The following PCDHA1 variants were observed in gnomAD, a reference collection of about 807,000 sequenced individuals.
The protein encoded by PCDHA1 is protocadherin alpha 1, also known as protocadherin alpha-1.
A neutral mutation model predicts 61.3 loss-of-function variants in PCDHA1; 42 were observed. The ratio of observed to expected loss-of-function variants is 0.69; its 90% confidence interval spans 0.54 to 0.89. The LOEUF is 0.89. Among genes scored for constraint, PCDHA1 ranks in the 40% least tolerant of loss-of-function variants. PCDHA1 has a pLI of 0.00. For missense variants in PCDHA1, 1,256 were observed against 1,235.3 expected (o/e 1.02, Z -0.25); for synonymous variants, 610 against 553.8 (o/e 1.10, Z -1.43).
chr5:140,849,298 A>T lies in PCDHA1; in HGVS notation c.2394+60614A>T, dbSNP rs1182153594. 25 of 1,269,106 alleles carry T rather than the reference A, an allele frequency of 2.0e-5. No individual in the cohort carries two copies. The highest frequency in any genetic ancestry group is 2.6e-5 in the Non-Finnish European group (24 of 927,200). 78.6% of individuals were successfully genotyped at this position (1,269,106 alleles called of 1,614,324 possible). On this transcript the variant is annotated intron_variant, in intron 1 of 3. Transcript: ENST00000504120. ...CTGGTGATTCACCCCAATGCCTCAG[A>T]TTTAGACGAAGGCTTGAATGGGGAT... is the stretch of plus-strand genomic sequence containing the variant.
At chr5:140,795,265 G>A (rs782485600) in intron 1 of PCDHA1, 1 of 1,614,266 alleles carries the variant, frequency 6.2e-7, no homozygotes, top group East Asian at 2.2e-5. Context: ...GCGGAGCGCG[G>A]AATGTAGCAT....
chr5:140,842,051 C>G (rs2150328197), intron 1 of PCDHA1: 4 of 1,613,852 alleles, frequency 2.5e-6, no homozygotes, highest in Non-Finnish European at 3.4e-6. Flanking sequence ...CACTTTCGAA[C>G]AGTCTGAATA....
chr5:140,861,632 A>G (rs1314096154), intron 1 of PCDHA1: 8 of 308,696 alleles, frequency 2.6e-5, no homozygotes, highest in Non-Finnish European at 3.9e-5. Context: ...TGTTCTCAGC[A>G]ACACAAAAGA....
chr5:140,967,907 A>C (rs1311525554), intron 1 of PCDHA1: 1 of 1,614,180 alleles, frequency 6.2e-7, no homozygotes, highest in Non-Finnish European at 8.5e-7. Flanking sequence ...TGCTACACCC[A>C]ACACCATTGT....
At chr5:140,822,419 A>T (rs2150116239) in intron 1 of PCDHA1, 14 of 1,614,096 alleles carry the variant, frequency 8.7e-6, no homozygotes, top group East Asian at 2.2e-5. Flanking sequence ...ATTGCAACTG[A>T]TGGAGGAAAA....
chr5:140,807,463 G>C (rs3822349), intron 1 of PCDHA1: 823,078 of 1,568,206 alleles, frequency 0.52, 222,037 homozygotes, highest in Middle Eastern at 0.57. Context: ...GGATCGACCG[G>C]GAGGAGCTGT....
chr5:140,976,142 C>T (rs1554237347), intron 1 of PCDHA1, among the ~76,000 whole-genome samples: 2 of 152,138 alleles, frequency 1.3e-5, no homozygotes, highest in Admixed American at 1.3e-4. Context: ...GGATGAAACT[C>T]ATGTACATTT....
intron 1 of PCDHA1, chr5:140,869,802 G>T: frequency 6.2e-7 from 1 of 1,612,556 alleles, no homozygotes; most frequent in South Asian, 1.1e-5. Flanking sequence ...TCCAAGTCTT[G>T]GATGTCAACG....
At chr5:140,823,382 C>G in intron 1 of PCDHA1, 1 of 1,612,794 alleles carries the variant, frequency 6.2e-7, no homozygotes, top group Non-Finnish European at 8.5e-7. Context: ...CAGGTGAGCG[C>G]GCGCGACGCG....
intron 1 of PCDHA1, among the ~76,000 whole-genome samples, chr5:140,897,735 C>G (rs2066294879): frequency 6.6e-6 from 1 of 152,160 alleles, no homozygotes; most frequent in Non-Finnish European, 1.5e-5. Flanking sequence ...AATAGTATTT[C>G]TAGTTCTAGA....
chr5:140,887,497 A>G (rs981649331), intron 1 of PCDHA1, among the ~76,000 whole-genome samples: 1 of 152,150 alleles, frequency 6.6e-6, no homozygotes, highest in Admixed American at 6.5e-5. Context: ...ATAGTTTCTA[A>G]TAAGATGTTT....
Position 140,786,541 on chromosome 5 carries a change from T to A in PCDHA1, c.251T>A (p.Leu84Ter). ...GAGGTAAATCTGCAGAATGGCATTTTGTTTGTGAATTCTCGGATCGATCGC... is the reference window on the plus strand; with the variant it reads ...GAGGTAAATCTGCAGAATGGCATTTAGTTTGTGAATTCTCGGATCGATCGC... Reference protein sequence around the residue: ...LLEVNLQNGILFVNSRIDREE... With the variant: ...LLEVNLQNGI Residue 84 changes from leucine (L) to a stop codon, truncating the protein, a stop_gained, in exon 1 of 4, where the codon TTG becomes TAG. Coordinates refer to ENST00000504120, the MANE Select transcript of PCDHA1 (RefSeq NM_018900.4). LOFTEE classifies it high-confidence loss of function. 6.2e-7 allele frequency: 1 copy of A among 1,614,194 alleles called. No individual in the cohort carries two copies. The highest frequency in any genetic ancestry group is 8.5e-7 in the Non-Finnish European group (1 of 1,180,030).
intron 1 of PCDHA1, chr5:140,969,344 T>G: frequency 6.2e-7 from 1 of 1,613,664 alleles, no homozygotes; most frequent in Non-Finnish European, 8.5e-7. Context: ...GAGACAGTGG[T>G]CAGGGGGTCT....
intron 1 of PCDHA1, chr5:140,795,945 C>A: frequency 6.2e-7 from 1 of 1,613,786 alleles, no homozygotes; most frequent in Non-Finnish European, 8.5e-7. Flanking sequence ...ACAAAGGAAC[C>A]CCTTCAATGT....
intron 1 of PCDHA1, chr5:140,869,751 C>T (rs1562632987): frequency 1.2e-6 from 2 of 1,613,134 alleles, no homozygotes; most frequent in Non-Finnish European, 1.7e-6. Context: ...CAGCTACAGA[C>T]GGGGGAAAAC....
At chr5:140,833,150 C>A (rs1477440208) in intron 1 of PCDHA1, among the ~76,000 whole-genome samples, 1 of 151,886 alleles carries the variant, frequency 6.6e-6, no homozygotes, top group Admixed American at 6.6e-5. Context: ...TGAAGCAATA[C>A]GAATAAAAAG....
At chr5:140,862,318 A>C (rs2153223303) in intron 1 of PCDHA1, 1 of 317,904 alleles carries the variant, frequency 3.1e-6, no homozygotes, top group African/African-American at 2.2e-5. Context: ...TCATAGCCCT[A>C]ATCAGTGTAA....
intron 1 of PCDHA1, chr5:140,841,926 G>C (rs1490008187): frequency 6.2e-7 from 1 of 1,613,806 alleles, no homozygotes; most frequent in African/African-American, 1.3e-5. Context: ...TCCTTGGACA[G>C]AGAGGACGCT....
chr5:140,796,992 C>T (rs1554120235), intron 1 of PCDHA1: 1 of 1,613,724 alleles, frequency 6.2e-7, no homozygotes, highest in South Asian at 1.1e-5. Context: ...GCCAGGCACC[C>T]AAGGCCTCGT....
Sources: gnomAD v4.1 joint callset for allele counts (sites outside exome capture counted in the v4.1 genomes callset) on GRCh38, gnomAD v4.1.1 for gene constraint, MANE v1.5 for transcripts, NCBI Gene and HGNC (gene_info 2026-07-23, HGNC 2026-07-21) for gene names.